CHD6: variants seen among roughly 807,000 people sequenced by gnomAD.
CHD6 encodes chromodomain helicase DNA binding protein 6, also known as ATP-dependent chromatin remodeler CHD6.
A neutral mutation model predicts 276.9 loss-of-function variants in CHD6; 50 were observed. That is an observed-to-expected ratio of 0.18 (90% CI 0.14 to 0.23). The LOEUF (loss-of-function observed/expected upper bound fraction) is 0.23, where lower values mean the gene tolerates loss of function less well. Ranked by LOEUF, CHD6 falls within the 10% of genes least tolerant of loss-of-function variation. The probability of loss-of-function intolerance (pLI) is 1.00; values close to 1 mark genes in which losing one functional copy is unlikely to be tolerated. For synonymous variants in CHD6, 1,173 were observed against 1,229.3 expected (o/e 0.95, Z 0.96); for missense variants, 2,564 against 3,365.8 (o/e 0.76, Z 5.89).
In CHD6 at chr20:41,405,034, C is replaced by T. The variant is rs747132217; in HGVS notation, c.7707G>A (p.Ala2569=). 3.9e-5 allele frequency: 63 copies of T among 1,614,188 alleles called. No individual in the cohort carries two copies. Among genetic ancestry groups the T allele is most frequent in the Non-Finnish European group, 4.7e-5 (56 of 1,180,038 alleles). Residue 2569 remains alanine (A), a synonymous_variant, in exon 37 of 37, where the codon GCG becomes GCA. Coordinates refer to ENST00000373233, the MANE Select transcript of CHD6 (RefSeq NM_032221.5). ...CATCATGGCTACTCGGCTTGTCTTC[C>T]GCAGTCTTTTCAGTCACTGCCGTAC... ...KSGTAVTEKT[A]EDKPSSHDVK...
chr20:41,565,464 G>T (rs989780681), intron 1 of CHD6, among the ~76,000 whole-genome samples: 5 of 152,168 alleles, frequency 3.3e-5, no homozygotes, highest in Admixed American at 2.6e-4. Flanking sequence ...ACGAGAAAGA[G>T]GTAACTTTTG....
chr20:41,610,362 A>G (rs1277408865), intron 1 of CHD6, among the ~76,000 whole-genome samples: 1 of 152,190 alleles, frequency 6.6e-6, no homozygotes, highest in African/African-American at 2.4e-5. Flanking sequence ...GCTTCTATTA[A>G]CAAATCAATT....
At chr20:41,494,649 C>T (rs540886011) in intron 8 of CHD6, among the ~76,000 whole-genome samples, 33 of 152,204 alleles carry the variant, frequency 2.2e-4, no homozygotes, top group Admixed American at 2.0e-4. Flanking sequence ...TTAACTGGAC[C>T]GTTCACCCAG....
chr20:41,403,875 C>T lies in CHD6; in HGVS notation c.*718G>A, dbSNP rs1304038811. ...AATAACTCATGGTGGGTAAAGCTTT[C>T]TCGCAGCAAGAGGAATCTTTTCACT... On this transcript the variant is annotated 3_prime_UTR_variant, in exon 37 of 37. Transcript: ENST00000373233. 1 of 1,057,196 alleles carries T rather than the reference C, an allele frequency of 9.5e-7. No homozygotes were observed. The allele number at this position is 1,057,196 out of a possible 1,614,324, so 65.5% of individuals were successfully genotyped here.
intron 1 of CHD6, among the ~76,000 whole-genome samples, chr20:41,582,936 AC>A (rs1003412042): frequency 6.6e-6 from 1 of 152,194 alleles, no homozygotes; most frequent in Non-Finnish European, 1.5e-5. Flanking sequence ...CCAAACTGCA[AC>A]AAAAACGGGG....
intron 1 of CHD6, among the ~76,000 whole-genome samples, chr20:41,591,067 T>C (rs2045652728): frequency 1.3e-5 from 2 of 151,976 alleles, no homozygotes; most frequent in Admixed American, 6.5e-5. Flanking sequence ...TGTAGGGACA[T>C]GGATGAAGCT....
chr20:41,451,587 G>A (rs1412184171), intron 22 of CHD6, among the ~76,000 whole-genome samples: 1 of 152,142 alleles, frequency 6.6e-6, no homozygotes, highest in East Asian at 1.9e-4. Context: ...CAGGTTAGTG[G>A]GCAGGACCAG....
chr20:41,451,130 C>T (rs2048226034), intron 22 of CHD6, 25 bp from the exon 23 acceptor site: 1 of 1,607,098 alleles, frequency 6.2e-7, no homozygotes, highest in East Asian at 2.2e-5. Flanking sequence ...CAGCATAGGG[C>T]AAGTGGATAG....
chr20:41,425,237 C>A lies in CHD6; in HGVS notation c.4287G>T (p.Gln1429His). ...CTGAGGTTCTCCTGAACATCTCTTC[C>A]TGAACCCAATATCCTTGGTTACCTG... ...LGPGNQGYWV[Q>H]EEMFRRTSEM... Residue 1429 changes from glutamine (Q) to histidine (H), a missense_variant, in exon 29 of 37, where the codon CAG becomes CAT. Physicochemically the swap from Gln to His is conservative, Grantham distance 24. Coordinates refer to ENST00000373233, the MANE Select transcript of CHD6 (RefSeq NM_032221.5). 1.2e-6 allele frequency: 2 copies of A among 1,614,198 alleles called. No homozygotes were observed. The highest frequency in any genetic ancestry group is 1.7e-6 in the Non-Finnish European group (2 of 1,180,032).
chr20:41,403,362 G>A lies in CHD6; in HGVS notation c.*1231C>T. On this transcript the variant is annotated 3_prime_UTR_variant, in exon 37 of 37. Transcript: ENST00000373233. ...AAGGGACGTTAACATGAAGGTGAAA[G>A]GACATGGGGAAGTGCTGCTTAGGCA... 1 of 1,062,624 alleles carries A rather than the reference G, an allele frequency of 9.4e-7. No individual in the cohort carries two copies. The highest frequency in any genetic ancestry group is 1.1e-6 in the Non-Finnish European group (1 of 877,370). The allele number at this position is 1,062,624 out of a possible 1,614,324, so 65.8% of individuals were successfully genotyped here.
intron 2 of CHD6, among the ~76,000 whole-genome samples, chr20:41,540,007 C>G (rs933622468): frequency 2.6e-5 from 4 of 152,182 alleles, no homozygotes. Flanking sequence ...TTTTTAAAGT[C>G]TGCAAGGGCA....
intron 27 of CHD6, among the ~76,000 whole-genome samples, chr20:41,434,655 T>TCAC (rs1471620096): frequency 2.6e-5 from 4 of 152,026 alleles, no homozygotes; most frequent in East Asian, 3.9e-4. Context: ...CAGGCATGAG[T>TCAC]CACCGCGCCT....
At chr20:41,408,684 A>G (rs1323123371) in intron 36 of CHD6, among the ~76,000 whole-genome samples, 1 of 152,174 alleles carries the variant, frequency 6.6e-6, no homozygotes, top group African/African-American at 2.4e-5. Flanking sequence ...GAGGCAGAGA[A>G]AGATACTGGG....
chr20:41,457,925 T>C (rs2048426091), intron 17 of CHD6, among the ~76,000 whole-genome samples: 1 of 152,234 alleles, frequency 6.6e-6, no homozygotes, highest in Non-Finnish European at 1.5e-5. Context: ...AGGAAGTAAA[T>C]AAATCCTAAG....
At chr20:41,611,724 G>A (rs190688107) in intron 1 of CHD6, among the ~76,000 whole-genome samples, 32 of 151,976 alleles carry the variant, frequency 2.1e-4, no homozygotes, top group Non-Finnish European at 4.3e-4. Context: ...TGCAACCTCC[G>A]CCTCCCCGGT....
Position 41,539,876 on chromosome 20 carries a change from T to C in CHD6, c.34-6306A>G, listed in dbSNP as rs569423462. Among the ~76,000 whole-genome samples the C allele has an allele frequency of 7.9e-4, 121 of 152,366 alleles. 1 individual carries two copies. Among genetic ancestry groups the C allele is most frequent in the African/African-American group, 2.7e-3 (112 of 41,588 alleles). On this transcript the variant is annotated intron_variant, in intron 2 of 36. Coordinates refer to ENST00000373233, the MANE Select transcript of CHD6 (RefSeq NM_032221.5). ...GAATAATACTACGCAACCATTATTA[T>C]ACGGAGGTTTAAAAGACATGAAACA...
At chr20:41,526,680 G>T (rs572682467) in intron 3 of CHD6, among the ~76,000 whole-genome samples, 3 of 152,254 alleles carry the variant, frequency 2.0e-5, no homozygotes, top group African/African-American at 7.2e-5. Context: ...AAACAAATGG[G>T]GATGAAAAAC....
At chr20:41,543,562 A>AT (rs2044986356) in intron 2 of CHD6, among the ~76,000 whole-genome samples, 3 of 152,340 alleles carry the variant, frequency 2.0e-5, no homozygotes, top group Admixed American at 2.0e-4. Flanking sequence ...GATGAGAAAC[A>AT]TATCAAGAAT....
In CHD6 at chr20:41,407,332, C is replaced by T. The variant is rs897433776; in HGVS notation, c.7252-1843G>A. Among the ~76,000 whole-genome samples, 5 of 152,134 alleles carry T rather than the reference C, an allele frequency of 3.3e-5. No homozygotes were observed. The East Asian group carries it at 9.6e-4, about 29-fold the overall frequency. On this transcript the variant is annotated intron_variant, in intron 36 of 36. Transcript: ENST00000373233. The stretch of plus-strand genomic sequence containing the variant: ...GGCAGGGATCTGGCTGTTGCTCTCA[C>T]TGGGGTACACTCTTGGGGTGCGAAA...
Sources: gnomAD v4.1 joint callset for allele counts (sites outside exome capture counted in the v4.1 genomes callset) on GRCh38, gnomAD v4.1.1 for gene constraint, MANE v1.5 for transcripts, NCBI Gene and HGNC (gene_info 2026-07-23, HGNC 2026-07-21) for gene names.